SORT1: variants seen among roughly 807,000 people sequenced by gnomAD.
SORT1 encodes sortilin.
Under a neutral mutation model 101.7 loss-of-function variants are expected in SORT1, and 39 were observed. The ratio of observed to expected loss-of-function variants is 0.38; its 90% CI spans 0.30 to 0.50. The LOEUF is 0.50. Among genes scored for constraint, SORT1 ranks in the 20% least tolerant of loss-of-function variants. The pLI, the probability that SORT1 is intolerant of heterozygous loss-of-function variation, is 0.90. For synonymous variants in SORT1, 396 were observed against 393.7 expected (o/e 1.01, Z -0.07); for missense variants, 878 against 1,040.4 (o/e 0.84, Z 2.15).
intron 11 of SORT1, among the ~76,000 whole-genome samples, chr1:109,335,545 T>C (rs543401443): frequency 1.6e-4 from 25 of 152,042 alleles, no homozygotes; most frequent in Non-Finnish European, 3.4e-4. Context: ...TGTATGTCAG[T>C]GATACAGATA....
rs569693125 is a variant in SORT1, at chr1:109,328,492, T to C, written c.1372-891A>G. Among the ~76,000 whole-genome samples, 3 of 152,326 alleles carry C rather than the reference T, an allele frequency of 2.0e-5. No individual in the cohort carries two copies. In the East Asian group the frequency reaches 5.8e-4, roughly 29 times the overall value. The stretch of plus-strand genomic sequence containing the variant: ...CTAATGATTAGTGATGCTGAGCCTC[T>C]TTTTATATGCTTGTTAGTCACTTCT... On this transcript the variant is annotated intron_variant, in intron 11 of 19. Transcript: ENST00000256637.
chr1:109,379,858 T>G (rs1652108647), intron 1 of SORT1, among the ~76,000 whole-genome samples: 1 of 152,144 alleles, frequency 6.6e-6, no homozygotes, highest in African/African-American at 2.4e-5. Flanking sequence ...ATAAGAACAC[T>G]GGAAAAACTG....
At chr1:109,369,341 A>G (rs766379348) in intron 2 of SORT1, among the ~76,000 whole-genome samples, 189 bp downstream of exon 2, 3 of 151,446 alleles carry the variant, frequency 2.0e-5, no homozygotes, top group Non-Finnish European at 2.9e-5. Flanking sequence ...CGCAAAAAAG[A>G]TGTTCCCAAT....
At chr1:109,349,831 A>C (rs529436119) in intron 6 of SORT1, among the ~76,000 whole-genome samples, 1 of 152,324 alleles carries the variant, frequency 6.6e-6, no homozygotes, top group South Asian at 2.1e-4. Context: ...TTAATATTTT[A>C]ATCAATCTTG....
Position 109,311,795 on chromosome 1 carries a change from G to A in SORT1, c.*2248C>T, listed in dbSNP as rs1036709118. 21 of 152,402 alleles carry A rather than the reference G, an allele frequency of 1.4e-4. No individual in the cohort carries two copies. Among genetic ancestry groups the A allele is most frequent in the African/African-American group, 5.1e-4 (21 of 41,454 alleles). 9.4% of individuals were successfully genotyped at this position (152,402 alleles called of 1,614,324 possible). On this transcript the variant is annotated 3_prime_UTR_variant, in exon 20 of 20. Coordinates refer to ENST00000256637, the MANE Select transcript of SORT1 (RefSeq NM_002959.7). ...TGATCCCTGTCATAAAGAACAGCAA[G>A]TCATCTACAAGAAGGCAGCCTTGCT... is the stretch of plus-strand genomic sequence containing the variant.
rs1235686284 is a variant in SORT1, at chr1:109,371,295, T to C, written c.307-1706A>G. 3.9e-5 allele frequency among the ~76,000 whole-genome samples: 6 copies of C among 152,338 alleles called. No homozygotes were observed. The East Asian group carries it at 9.6e-4, about 24-fold the overall frequency. Reference sequence around the variant, plus strand: ...AAAACTGACATAGCAGTGTGTCTTATATGATATTTCACACATAGCAAAACC... The same window carrying C: ...AAAACTGACATAGCAGTGTGTCTTACATGATATTTCACACATAGCAAAACC... On this transcript the variant is annotated intron_variant, in intron 1 of 19. Coordinates refer to ENST00000256637, the MANE Select transcript of SORT1 (RefSeq NM_002959.7).
At chr1:109,326,373 T>A (rs1249313908) in intron 13 of SORT1, among the ~76,000 whole-genome samples, 1 of 142,806 alleles carries the variant, frequency 7.0e-6, no homozygotes, top group South Asian at 2.2e-4. Context: ...ACTTAAGAAG[T>A]CATTTTCAAT....
In SORT1 at chr1:109,313,353, G is replaced by C. The variant is rs72646596; in HGVS notation, c.*690C>G. On this transcript the variant is annotated 3_prime_UTR_variant, in exon 20 of 20. Transcript: ENST00000256637. ...AAAATATTGCCCTGTAAGTTTTCCT[G>C]ATGTACTGTGTGGGAAGCACATGGT... The C allele has an allele frequency of 6.5e-6, 1 of 152,824 alleles. No individual in the cohort carries two copies. The highest frequency in any genetic ancestry group is 2.4e-5 in the African/African-American group (1 of 41,540). 9.5% of individuals were successfully genotyped at this position (152,824 alleles called of 1,614,324 possible).
intron 3 of SORT1, among the ~76,000 whole-genome samples, chr1:109,363,587 A>G (rs1281248689): frequency 1.3e-5 from 2 of 152,160 alleles, no homozygotes; most frequent in Non-Finnish European, 2.9e-5. Flanking sequence ...ACTCCCTCTA[A>G]TTCTGTATAT....
intron 15 of SORT1, among the ~76,000 whole-genome samples, chr1:109,322,059 G>A (rs1366418666): frequency 6.6e-6 from 1 of 151,770 alleles, no homozygotes; most frequent in African/African-American, 2.4e-5. Context: ...CCTAGTGTCT[G>A]CCTGCTGAGC....
chr1:109,366,872 A>T (rs147851420), intron 3 of SORT1: 1 of 151,482 alleles, frequency 6.6e-6, no homozygotes, highest in East Asian at 2.0e-4. Context: ...TGTTTGCGCC[A>T]CTGCTCTCCA....
chr1:109,318,624 C>T lies in SORT1; in HGVS notation c.2025-655G>A, dbSNP rs532058931. ...CCTCAGCATCAGCAGCAGCTCTCAA[C>T]TCAGGGATACTTGGCAATTCTTTTC... On this transcript the variant is annotated intron_variant, in intron 15 of 19. Coordinates refer to ENST00000256637, the MANE Select transcript of SORT1 (RefSeq NM_002959.7). Among the ~76,000 whole-genome samples the T allele has an allele frequency of 7.5e-4, 114 of 152,258 alleles. No individual in the cohort carries two copies. The Middle Eastern group carries it at 0.014, about 18-fold the overall frequency.
chr1:109,350,533 C>A (rs964257236), intron 6 of SORT1, among the ~76,000 whole-genome samples: 1 of 152,140 alleles, frequency 6.6e-6, no homozygotes, highest in African/African-American at 2.4e-5. Context: ...TGATTCCTTG[C>A]CATGTTCTAC....
chr1:109,358,343 G>T (rs1022149718), intron 3 of SORT1, among the ~76,000 whole-genome samples: 1 of 152,054 alleles, frequency 6.6e-6, no homozygotes, highest in African/African-American at 2.4e-5. Context: ...CAAACTCCTG[G>T]CCTCAAGCAA....
At chr1:109,363,704 A>C (rs1486898112) in intron 3 of SORT1, among the ~76,000 whole-genome samples, 1 of 152,210 alleles carries the variant, frequency 6.6e-6, no homozygotes, top group African/African-American at 2.4e-5. Flanking sequence ...TGAACCTTTA[A>C]CCATATAAGA....
chr1:109,371,884 A>C lies in SORT1; in HGVS notation c.307-2295T>G, dbSNP rs532964930. Reference sequence around the variant, plus strand: ...TTTGAAAATGGGCAAACTCACTGAAAAACTCATCTACCTATAGCAAATGTA... The same window carrying C: ...TTTGAAAATGGGCAAACTCACTGAACAACTCATCTACCTATAGCAAATGTA... On this transcript the variant is annotated intron_variant, in intron 1 of 19. Coordinates refer to ENST00000256637, the MANE Select transcript of SORT1 (RefSeq NM_002959.7). Among the ~76,000 whole-genome samples, 6 of 152,326 alleles carry C rather than the reference A, an allele frequency of 3.9e-5. No individual in the cohort carries two copies. In the South Asian group the frequency reaches 1.2e-3, roughly 32 times the overall value.
intron 5 of SORT1, 56 bp from the exon 6 acceptor site, chr1:109,351,058 G>A (rs1396780701): frequency 1.8e-6 from 2 of 1,120,694 alleles, no homozygotes; most frequent in African/African-American, 1.5e-5. Context: ...GTAGTTGCTT[G>A]TATGACCTTT....
intron 1 of SORT1, among the ~76,000 whole-genome samples, chr1:109,378,850 A>G (rs1339860918): frequency 6.7e-6 from 1 of 149,274 alleles, no homozygotes; most frequent in Non-Finnish European, 1.5e-5. Flanking sequence ...GTAAACAATA[A>G]CTGGAGGCCA....
chr1:109,333,206 G>A (rs2101565593), intron 11 of SORT1, among the ~76,000 whole-genome samples: 1 of 152,218 alleles, frequency 6.6e-6, no homozygotes, highest in South Asian at 2.1e-4. Context: ...GATTACAGGC[G>A]TGAGCCACCA....
Sources: allele counts gnomAD v4.1 joint callset (sites outside exome capture counted in the v4.1 genomes callset), GRCh38; gene constraint gnomAD v4.1.1; transcripts MANE v1.5; gene names NCBI Gene and HGNC (gene_info 2026-07-23, HGNC 2026-07-21).